Variants in RALGAPA2 observed in about 807,000 individuals in gnomAD.
RALGAPA2 encodes the protein Ral GTPase activating protein catalytic subunit alpha 2, also known as ral GTPase-activating protein subunit alpha-2.
Under a neutral mutation model 230.4 loss-of-function variants are expected in RALGAPA2, and 139 were observed. The observed-to-expected ratio is 0.60, with a 90% confidence interval of 0.53 to 0.69. RALGAPA2 has a LOEUF of 0.69. Among genes scored for constraint, RALGAPA2 ranks in the 30% least tolerant of loss-of-function variants. The pLI is 0.00. For missense variants in RALGAPA2, 2,163 were observed against 2,276.0 expected (o/e 0.95, Z 1.01); for synonymous variants, 847 against 837.8 (o/e 1.01, Z -0.19).
intron 24 of RALGAPA2, among the ~76,000 whole-genome samples, chr20:20,546,244 T>C (rs1159463404): frequency 2.0e-5 from 3 of 152,214 alleles, no homozygotes; most frequent in East Asian, 3.8e-4. Flanking sequence ...AGAGAATACA[T>C]ATTTACTTCT....
intron 37 of RALGAPA2, among the ~76,000 whole-genome samples, chr20:20,419,256 C>G (rs1004567117): frequency 2.0e-5 from 3 of 152,032 alleles, no homozygotes; most frequent in Non-Finnish European, 4.4e-5. Flanking sequence ...AATGACATGT[C>G]TTCTAGTCTA....
At chr20:20,529,905 A>C (rs2063324548) in intron 27 of RALGAPA2, among the ~76,000 whole-genome samples, 1 of 152,208 alleles carries the variant, frequency 6.6e-6, no homozygotes, top group African/African-American at 2.4e-5. Flanking sequence ...AGGAGTAGAG[A>C]TGGGGGAACC....
At chr20:20,402,361 C>T (rs977098337) in intron 38 of RALGAPA2, among the ~76,000 whole-genome samples, 19 of 152,238 alleles carry the variant, frequency 1.2e-4, no homozygotes, top group African/African-American at 4.3e-4. Context: ...CCATCCTTGC[C>T]CTTCTGTGTC....
At chr20:20,472,794 G>A (rs368138774) in intron 37 of RALGAPA2, 35 bp downstream of exon 37, 1 of 1,591,074 alleles carries the variant, frequency 6.3e-7, no homozygotes, top group Admixed American at 1.8e-5. Flanking sequence ...ATTCTGGGAT[G>A]GTTAGTAAGT....
At chr20:20,539,503 A>T (rs2063583710) in intron 24 of RALGAPA2, among the ~76,000 whole-genome samples, 1 of 152,168 alleles carries the variant, frequency 6.6e-6, no homozygotes, top group Non-Finnish European at 1.5e-5. Flanking sequence ...CATAATTAAT[A>T]AAAATTTGTA....
intron 23 of RALGAPA2, among the ~76,000 whole-genome samples, chr20:20,553,123 T>G (rs1602759041): frequency 6.6e-6 from 1 of 152,302 alleles, no homozygotes; most frequent in East Asian, 1.9e-4. Flanking sequence ...GTTAACTTGG[T>G]ACATCTGTCT....
At chr20:20,541,343 G>GA (rs1439947577) in intron 24 of RALGAPA2, among the ~76,000 whole-genome samples, 4 of 152,056 alleles carry the variant, frequency 2.6e-5, no homozygotes, top group African/African-American at 7.2e-5. Flanking sequence ...ACATACCTAT[G>GA]AAAAAATTTT....
intron 12 of RALGAPA2, among the ~76,000 whole-genome samples, chr20:20,618,720 TC>T (rs978733024): frequency 2.7e-4 from 41 of 152,314 alleles, no homozygotes; most frequent in East Asian, 1.5e-3. Flanking sequence ...AGAGGAAATC[TC>T]CCAATTCCCA....
At chr20:20,622,262 A>G (rs2066347476) in intron 10 of RALGAPA2, among the ~76,000 whole-genome samples, 1 of 152,184 alleles carries the variant, frequency 6.6e-6, no homozygotes, top group Non-Finnish European at 1.5e-5. Flanking sequence ...CTGGAGATGC[A>G]GAAAAAAACA....
intron 37 of RALGAPA2, among the ~76,000 whole-genome samples, chr20:20,428,593 G>A (rs2060435726): frequency 6.6e-6 from 1 of 152,168 alleles, no homozygotes; most frequent in Non-Finnish European, 1.5e-5. Context: ...AGGCAGAATT[G>A]TATCACTGGT....
chr20:20,513,377 C>G (rs983592109), intron 31 of RALGAPA2, 93 bp from the exon 32 acceptor site: 55 of 1,071,200 alleles, frequency 5.1e-5, no homozygotes, highest in Non-Finnish European at 6.4e-5. Flanking sequence ...GGGGGCAGTT[C>G]CAATATGGTA....
intron 38 of RALGAPA2, among the ~76,000 whole-genome samples, chr20:20,399,691 G>A (rs1407565302): frequency 1.3e-5 from 2 of 150,700 alleles, no homozygotes; most frequent in African/African-American, 5.0e-5. Flanking sequence ...GGCTGGAGAT[G>A]TGTTGTGTTA....
intron 4 of RALGAPA2, among the ~76,000 whole-genome samples, chr20:20,652,749 A>T (rs1376534064): frequency 2.6e-5 from 4 of 152,224 alleles, no homozygotes; most frequent in African/African-American, 9.6e-5. Flanking sequence ...TGTGCTGTGT[A>T]TATTCAAGTG....
chr20:20,499,415 C>T (rs896579974), intron 35 of RALGAPA2, among the ~76,000 whole-genome samples: 2 of 152,004 alleles, frequency 1.3e-5, no homozygotes, highest in Non-Finnish European at 1.5e-5. Context: ...AATTCTCAGT[C>T]ATAAGAAAAT....
intron 33 of RALGAPA2, among the ~76,000 whole-genome samples, chr20:20,509,395 C>G (rs1474962264): frequency 6.6e-6 from 1 of 152,172 alleles, no homozygotes; most frequent in Non-Finnish European, 1.5e-5. Flanking sequence ...GGCTTCTGGA[C>G]AGAGAATGGC....
chr20:20,458,226 A>G (rs181926485), intron 37 of RALGAPA2, among the ~76,000 whole-genome samples: 11 of 152,000 alleles, frequency 7.2e-5, no homozygotes, highest in African/African-American at 2.7e-4. Flanking sequence ...GATGTTGGAA[A>G]ATGTTGCCTT....
intron 1 of RALGAPA2, among the ~76,000 whole-genome samples, chr20:20,708,821 A>G (rs567434890): frequency 5.9e-5 from 9 of 152,272 alleles, no homozygotes; most frequent in Non-Finnish European, 1.2e-4. Context: ...TTTTGTATCT[A>G]TTCTTCTCAC....
intron 37 of RALGAPA2, among the ~76,000 whole-genome samples, chr20:20,417,804 C>T (rs546079745): frequency 6.6e-6 from 1 of 152,266 alleles, no homozygotes; most frequent in South Asian, 2.1e-4. Context: ...GCCTGAAATT[C>T]GTGTCCATTG....
intron 38 of RALGAPA2, among the ~76,000 whole-genome samples, chr20:20,407,200 T>C (rs2059964809): frequency 6.6e-6 from 1 of 152,186 alleles, no homozygotes; most frequent in Non-Finnish European, 1.5e-5. Context: ...TCTATGATGT[T>C]CTTTGCTGGC....
Sources: gnomAD v4.1 joint callset for allele counts (sites outside exome capture counted in the v4.1 genomes callset) on GRCh38, gnomAD v4.1.1 for gene constraint, MANE v1.5 for transcripts, NCBI Gene and HGNC (gene_info 2026-07-23, HGNC 2026-07-21) for gene names.